KIAA1549L: variants seen among roughly 807,000 people sequenced by gnomAD.
KIAA1549L encodes UPF0606 protein KIAA1549L.
A neutral mutation model predicts 160.7 loss-of-function variants in KIAA1549L; 88 were observed. The ratio of observed to expected loss-of-function variants is 0.55; its 90% CI spans 0.46 to 0.65. KIAA1549L has a LOEUF of 0.65. KIAA1549L is among the 30% of genes least tolerant of loss of function. KIAA1549L has a pLI of 0.00. For synonymous variants in KIAA1549L, 950 were observed against 976.7 expected, an observed-to-expected ratio of 0.97 and a Z score of 0.51; for missense variants, 2,258 against 2,437.5, an observed-to-expected ratio of 0.93 and a Z score of 1.55.
Position 33,543,966 on chromosome 11 carries a change from C to G in KIAA1549L, c.2403C>G (p.Leu801=), listed in dbSNP as rs1854136030. Residue 801 remains leucine (L), a synonymous_variant, in exon 2 of 21, where the codon CTC becomes CTG. Transcript: ENST00000658780. The stretch of plus-strand genomic sequence containing the variant: ...CCATGGTTGGAAGCCATATAGACCT[C>G]TGGCCCACAAGCAATAACAACCATT... ...DMTMVGSHID[L]WPTSNNNHSR... is the part of the protein sequence containing the mutation. 6.2e-7 allele frequency: 1 copy of G among 1,614,036 alleles called. No homozygotes were observed. The highest frequency in any genetic ancestry group is 8.5e-7 in the Non-Finnish European group (1 of 1,179,898).
At chr11:33,584,983 T>C (rs1855765425) in intron 11 of KIAA1549L, among the ~76,000 whole-genome samples, 1 of 152,192 alleles carries the variant, frequency 6.6e-6, no homozygotes, top group African/African-American at 2.4e-5. Context: ...CCTTAGTTCT[T>C]TCTTGATGAT....
At chr11:33,552,470 C>G (rs1348282986) in intron 6 of KIAA1549L, among the ~76,000 whole-genome samples, 1 of 152,066 alleles carries the variant, frequency 6.6e-6, no homozygotes, top group Non-Finnish European at 1.5e-5. Flanking sequence ...GGGATGCTTT[C>G]TGAGGCCTTT....
chr11:33,424,698 C>A (rs748237564), intron 1 of KIAA1549L, among the ~76,000 whole-genome samples: 1 of 152,106 alleles, frequency 6.6e-6, no homozygotes, highest in Non-Finnish European at 1.5e-5. Context: ...CATACATGCT[C>A]TACTCTGGGT....
rs747639779 is a variant in KIAA1549L, at chr11:33,543,927, A to G, written c.2364A>G (p.Gln788=). ...GTACAAGCATTGAGCAGCCTGTGCA[A>G]CAGTCAGACATGACCATGGTTGGAA... ...VLGTSIEQPV[Q]QSDMTMVGSH... Residue 788 remains glutamine, a synonymous_variant, in exon 2 of 21, where the codon CAA becomes CAG. Transcript: ENST00000658780. 6.8e-6 allele frequency: 11 copies of G among 1,613,942 alleles called. No homozygotes were observed. In the Admixed American group the frequency reaches 1.2e-4, roughly 17 times the overall value.
chr11:33,433,472 C>T lies in KIAA1549L; in HGVS notation c.238+56583C>T, dbSNP rs2210134. Reference sequence around the variant, plus strand: ...TGGTGAGGTTGTGGAGAAATAGGAACGCTTTTACACTGTTGGTGGGAATGT... The same window carrying T: ...TGGTGAGGTTGTGGAGAAATAGGAATGCTTTTACACTGTTGGTGGGAATGT... On this transcript the variant is annotated intron_variant, in intron 1 of 20. Coordinates refer to ENST00000658780, the MANE Select transcript of KIAA1549L (RefSeq NM_012194.3). Among the ~76,000 whole-genome samples the T allele has an allele frequency of 8.4e-3, 1,283 of 152,202 alleles. 18 individuals carry two copies. The highest frequency in any genetic ancestry group is 0.029 in the African/African-American group (1,216 of 41,522).
At chr11:33,448,777 G>A (rs1206702769) in intron 1 of KIAA1549L, among the ~76,000 whole-genome samples, 1 of 152,146 alleles carries the variant, frequency 6.6e-6, no homozygotes, top group Non-Finnish European at 1.5e-5. Flanking sequence ...TCCAAGTACT[G>A]CATTTGTGAA....
intron 12 of KIAA1549L, among the ~76,000 whole-genome samples, chr11:33,594,412 C>G (rs1024244954): frequency 6.6e-6 from 1 of 152,270 alleles, no homozygotes; most frequent in African/African-American, 2.4e-5. Flanking sequence ...CTTAGCTGGG[C>G]CTGCTTATGC....
intron 13 of KIAA1549L, among the ~76,000 whole-genome samples, chr11:33,604,811 G>C (rs992556220): frequency 6.6e-6 from 1 of 152,024 alleles, no homozygotes. Flanking sequence ...AGAGGGTGAG[G>C]GGGGAGTGAG....
At chr11:33,522,584 C>G (rs556206546) in intron 1 of KIAA1549L, among the ~76,000 whole-genome samples, 2 of 152,196 alleles carry the variant, frequency 1.3e-5, no homozygotes, top group Admixed American at 1.3e-4. Context: ...CCTAAATTAA[C>G]TTAGTGCCCC....
At chr11:33,547,942 GT>G in intron 4 of KIAA1549L, 63 bp downstream of exon 4, 2 of 1,034,528 alleles carry the variant, frequency 1.9e-6, no homozygotes, top group Non-Finnish European at 3.0e-6. Context: ...TCTAGAATAT[GT>G]TTAGATTGTT....
At chr11:33,586,905 T>G (rs970709584) in intron 11 of KIAA1549L, among the ~76,000 whole-genome samples, 1 of 152,202 alleles carries the variant, frequency 6.6e-6, no homozygotes, top group Non-Finnish European at 1.5e-5. Flanking sequence ...TGTTTAGTAC[T>G]GTGCCATTGA....
intron 1 of KIAA1549L, among the ~76,000 whole-genome samples, chr11:33,500,107 TA>T (rs1852910342): frequency 1.3e-5 from 2 of 152,232 alleles, no homozygotes; most frequent in Non-Finnish European, 2.9e-5. Flanking sequence ...AGTAAGCAGT[TA>T]TTATCCTAAT....
At chr11:33,636,417 C>T (rs566408639) in intron 16 of KIAA1549L, among the ~76,000 whole-genome samples, 2 of 148,974 alleles carry the variant, frequency 1.3e-5, no homozygotes, top group Admixed American at 1.3e-4. Flanking sequence ...TGCGTAATCA[C>T]GGCTCACTGC....
intron 1 of KIAA1549L, among the ~76,000 whole-genome samples, chr11:33,485,018 CCT>C (rs1390486284): frequency 6.6e-6 from 1 of 152,096 alleles, no homozygotes. Flanking sequence ...TCCTTCATCC[CCT>C]GATTTTGATA....
intron 1 of KIAA1549L, among the ~76,000 whole-genome samples, chr11:33,541,410 A>G (rs770721442): frequency 2.0e-5 from 3 of 152,192 alleles, no homozygotes; most frequent in Non-Finnish European, 4.4e-5. Flanking sequence ...TTGAATACAC[A>G]GTTCTTCTTT....
At chr11:33,514,306 AAATT>A (rs1853291485) in intron 1 of KIAA1549L, among the ~76,000 whole-genome samples, 1 of 152,222 alleles carries the variant, frequency 6.6e-6, no homozygotes, top group African/African-American at 2.4e-5. Flanking sequence ...AACAATGAAA[AAATT>A]TAATTTGGAG....
At chr11:33,441,991 T>A (rs1215604571) in intron 1 of KIAA1549L, among the ~76,000 whole-genome samples, 1 of 152,156 alleles carries the variant, frequency 6.6e-6, no homozygotes, top group Non-Finnish European at 1.5e-5. Context: ...ATGAAGTCCT[T>A]GCCCATGCCT....
At chr11:33,626,438 A>C (rs1473650509) in intron 16 of KIAA1549L, among the ~76,000 whole-genome samples, 3 of 150,498 alleles carry the variant, frequency 2.0e-5, no homozygotes, top group Admixed American at 6.6e-5. Context: ...TATTTCCTTG[A>C]GCAGCGGTTT....
intron 1 of KIAA1549L, among the ~76,000 whole-genome samples, chr11:33,387,504 C>T (rs531971800): frequency 1.3e-5 from 2 of 152,092 alleles, no homozygotes; most frequent in African/African-American, 4.8e-5. Flanking sequence ...TGGGGTTTCA[C>T]CATGTTGGCC....
Sources: allele counts gnomAD v4.1 joint callset (sites outside exome capture counted in the v4.1 genomes callset), GRCh38; gene constraint gnomAD v4.1.1; transcripts MANE v1.5; gene names NCBI Gene and HGNC (gene_info 2026-07-23, HGNC 2026-07-21).